INPP4B: variants seen among roughly 807,000 people sequenced by gnomAD.
The protein encoded by INPP4B is inositol polyphosphate-4-phosphatase type II B.
A neutral mutation model predicts 122.5 loss-of-function variants in INPP4B; 55 were observed. That is an observed-to-expected ratio of 0.45 (90% CI 0.36 to 0.56). The LOEUF is 0.56. Ranked by LOEUF, INPP4B falls within the 20% of genes least tolerant of loss-of-function variation. The pLI, the probability that INPP4B is intolerant of heterozygous loss-of-function variation, is 0.00. For missense variants in INPP4B, 1,000 were observed against 1,097.7 expected (o/e 0.91, Z 1.26); for synonymous variants, 403 against 388.7 (o/e 1.04, Z -0.43).
At position 142,289,240 on chromosome 4, in the gene INPP4B, G is replaced by A. The variant is rs147985201; in HGVS notation, c.503+16218C>T. On this transcript the variant is annotated intron_variant, in intron 9 of 25. Coordinates refer to ENST00000262992, the MANE Select transcript of INPP4B (RefSeq NM_001101669.3). ...ATTCAGAAATTTGCTTTTCTTGACT[G>A]TAATTTAAAATACTTTTCTAGGCCT... 5.6e-3 allele frequency among the ~76,000 whole-genome samples: 851 copies of A among 152,042 alleles called. 14 individuals carry two copies. Among genetic ancestry groups the A allele is most frequent in the African/African-American group, 0.019 (786 of 41,404 alleles).
rs551432261 is a variant in INPP4B at position 142,045,649 on chromosome 4, A to G, written c.2643-16735T>C. The stretch of plus-strand genomic sequence containing the variant: ...TTGACCTTTACCTCTCAGCTCATCT[A>G]AGAATAGGGAATACAGCTTCATGGA... On this transcript the variant is annotated intron_variant, in intron 25 of 25. Coordinates refer to ENST00000262992, the MANE Select transcript of INPP4B (RefSeq NM_001101669.3). 7.9e-5 allele frequency among the ~76,000 whole-genome samples: 12 copies of G among 152,186 alleles called. No individual in the cohort carries two copies. In the South Asian group the frequency reaches 2.5e-3, roughly 32 times the overall value.
chr4:142,101,420 A>G (rs1487062586), intron 23 of INPP4B, among the ~76,000 whole-genome samples: 1 of 152,122 alleles, frequency 6.6e-6, no homozygotes, highest in Non-Finnish European at 1.5e-5. Flanking sequence ...AGTAGCTTCA[A>G]TTCTCATCGT....
At position 142,441,695 on chromosome 4, in the gene INPP4B, G is replaced by A. The variant is rs1256850203; in HGVS notation, c.-126-10310C>T. On this transcript the variant is annotated intron_variant, in intron 3 of 25. Coordinates refer to ENST00000262992, the MANE Select transcript of INPP4B (RefSeq NM_001101669.3). ...TTTAAGGGGACAAGAAAAGAAGTTA[G>A]TTGGAAAAGGCATGGTCAGTGATGG... is the stretch of plus-strand genomic sequence containing the variant. Among the ~76,000 whole-genome samples, 3 of 152,052 alleles carry A rather than the reference G, an allele frequency of 2.0e-5. No homozygotes were observed. The East Asian group carries it at 5.8e-4, about 29-fold the overall frequency.
intron 1 of INPP4B, among the ~76,000 whole-genome samples, chr4:142,787,578 T>C (rs1305455417): frequency 6.6e-6 from 1 of 152,136 alleles, no homozygotes; most frequent in Non-Finnish European, 1.5e-5. Flanking sequence ...GTTTCATTCA[T>C]ATTCATATTA....
intron 2 of INPP4B, among the ~76,000 whole-genome samples, chr4:142,617,517 GAC>G (rs1013045315): frequency 6.6e-6 from 1 of 152,064 alleles, no homozygotes; most frequent in African/African-American, 2.4e-5. Context: ...CGGCTGGAGA[GAC>G]ACCTCTAGCA....
At position 142,557,104 on chromosome 4, in the gene INPP4B, G is replaced by A. The variant is rs144133414; in HGVS notation, c.-190-94378C>T. On this transcript the variant is annotated intron_variant, in intron 2 of 25. Coordinates refer to ENST00000262992, the MANE Select transcript of INPP4B (RefSeq NM_001101669.3). ...TGCTTTCAAATAGGCTGCCTGGAGA[G>A]GTTTGCTGGTGCAGGAGTGAGCGTC... Among the ~76,000 whole-genome samples the A allele has an allele frequency of 6.4e-3, 967 of 152,194 alleles. 24 individuals carry two copies. The highest frequency in any genetic ancestry group is 0.033 in the Admixed American group (498 of 15,284).
chr4:142,831,176 C>T (rs1581015497), intron 1 of INPP4B, among the ~76,000 whole-genome samples: 3 of 152,176 alleles, frequency 2.0e-5, no homozygotes. Context: ...TACTACTCAG[C>T]TTTGATGCCA....
intron 15 of INPP4B, among the ~76,000 whole-genome samples, chr4:142,178,572 C>G (rs1264878017): frequency 6.6e-6 from 1 of 152,122 alleles, no homozygotes; most frequent in Non-Finnish European, 1.5e-5. Flanking sequence ...ACTCCTTAAT[C>G]TGTTTGCTCA....
At chr4:142,552,343 A>G (rs1238244252) in intron 2 of INPP4B, among the ~76,000 whole-genome samples, 3 of 152,122 alleles carry the variant, frequency 2.0e-5, no homozygotes, top group African/African-American at 7.2e-5. Flanking sequence ...TGAGGCTGCT[A>G]ATCTGGGATC....
At chr4:142,175,440 CA>C (rs1827699731) in intron 15 of INPP4B, among the ~76,000 whole-genome samples, 1 of 151,886 alleles carries the variant, frequency 6.6e-6, no homozygotes, top group East Asian at 1.9e-4. Flanking sequence ...AAAAGAAATG[CA>C]CTTTGAGGCT....
intron 23 of INPP4B, among the ~76,000 whole-genome samples, chr4:142,096,646 CT>C (rs1229587629): frequency 7.2e-5 from 11 of 152,026 alleles, no homozygotes; most frequent in African/African-American, 2.4e-4. Flanking sequence ...TTCTCTCAAT[CT>C]TTTTAATGCT....
chr4:142,470,763 T>G (rs1818674749), intron 2 of INPP4B, among the ~76,000 whole-genome samples: 1 of 152,228 alleles, frequency 6.6e-6, no homozygotes, highest in Non-Finnish European at 1.5e-5. Context: ...AAAATATGTT[T>G]TCATATTCTT....
chr4:142,326,319 CAAATAG>C (rs1160535087), intron 7 of INPP4B, among the ~76,000 whole-genome samples: 1 of 152,140 alleles, frequency 6.6e-6, no homozygotes, highest in Non-Finnish European at 1.5e-5. Context: ...ACATATTTTA[CAAATAG>C]AAATAAAGGA....
At chr4:142,292,196 T>C (rs984796580) in intron 9 of INPP4B, among the ~76,000 whole-genome samples, 1 of 152,178 alleles carries the variant, frequency 6.6e-6, no homozygotes, top group Admixed American at 6.5e-5. Context: ...AAAACCACAA[T>C]TTGAAGTAAT....
intron 2 of INPP4B, among the ~76,000 whole-genome samples, chr4:142,625,193 T>C (rs1580538296): frequency 6.6e-6 from 1 of 151,926 alleles, no homozygotes; most frequent in African/African-American, 2.4e-5. Context: ...AGTCAAATTG[T>C]CCCTGTTTGC....
rs559982361 is a variant in INPP4B at position 142,229,969 on chromosome 4, T to C, written c.836+7895A>G. On this transcript the variant is annotated intron_variant, in intron 12 of 25. Coordinates refer to ENST00000262992, the MANE Select transcript of INPP4B (RefSeq NM_001101669.3). Reference sequence around the variant, plus strand: ...TTTTGAACAGACTTTGATATTTAGATGGGAAGTAAGCTATTTAAACTAGAA... The same window carrying C: ...TTTTGAACAGACTTTGATATTTAGACGGGAAGTAAGCTATTTAAACTAGAA... Among the ~76,000 whole-genome samples the C allele has an allele frequency of 3.3e-4, 50 of 152,274 alleles. No individual in the cohort carries two copies. The South Asian group carries it at 0.01, about 32-fold the overall frequency.
chr4:142,540,336 T>C (rs1828794446), intron 2 of INPP4B, among the ~76,000 whole-genome samples: 1 of 151,784 alleles, frequency 6.6e-6, no homozygotes, highest in Non-Finnish European at 1.5e-5. Context: ...TTTGGGGTTT[T>C]TTTTTTTCAC....
chr4:142,237,058 C>T (rs1352736864), intron 12 of INPP4B, among the ~76,000 whole-genome samples: 1 of 152,180 alleles, frequency 6.6e-6, no homozygotes, highest in African/African-American at 2.4e-5. Flanking sequence ...CAGAGATACT[C>T]TTATCAACCA....
chr4:142,219,878 T>A (rs1242126486), intron 12 of INPP4B, among the ~76,000 whole-genome samples: 2 of 152,330 alleles, frequency 1.3e-5, no homozygotes, highest in African/African-American at 4.8e-5. Context: ...TAATCAAGGT[T>A]ACTTTTGCAT....
Sources: gnomAD v4.1 joint callset for allele counts (sites outside exome capture counted in the v4.1 genomes callset) on GRCh38, gnomAD v4.1.1 for gene constraint, MANE v1.5 for transcripts, NCBI Gene and HGNC (gene_info 2026-07-23, HGNC 2026-07-21) for gene names.